The following KHDRBS2 variants were observed in gnomAD, a reference collection of about 807,000 sequenced individuals.
KHDRBS2 encodes KH domain-containing, RNA-binding, signal transduction-associated protein 2.
Under a neutral mutation model 44.3 loss-of-function variants are expected in KHDRBS2, and 26 were observed. The ratio of observed to expected loss-of-function variants is 0.59; its 90% CI spans 0.43 to 0.81. The LOEUF (loss-of-function observed/expected upper bound fraction) is 0.81, where lower values mean the gene tolerates loss of function less well. Ranked by LOEUF, KHDRBS2 falls within the 40% of genes least tolerant of loss-of-function variation. The pLI is 0.00. For missense variants in KHDRBS2, 476 were observed against 433.1 expected (o/e 1.10, Z -0.88); for synonymous variants, 194 against 151.1 (o/e 1.28, Z -2.08).
chr6:62,126,416 A>C (rs1332322793), intron 2 of KHDRBS2, among the ~76,000 whole-genome samples: 2 of 152,164 alleles, frequency 1.3e-5, no homozygotes, highest in African/African-American at 4.8e-5. Flanking sequence ...AGGGCTAGGG[A>C]AAGTACTTTG....
chr6:61,905,854 C>CTTTTTTTTTTTT (rs10676797), intron 4 of KHDRBS2, among the ~76,000 whole-genome samples: 6 of 114,176 alleles, frequency 5.3e-5, no homozygotes, highest in Non-Finnish European at 1.0e-4. Context: ...CAAAACTTTT[C>CTTTTTTTTTTTT]TTTTTTTTTT....
chr6:62,113,321 TCA>T (rs1805457569), intron 2 of KHDRBS2, among the ~76,000 whole-genome samples: 2 of 152,112 alleles, frequency 1.3e-5, no homozygotes, highest in Non-Finnish European at 1.5e-5. Flanking sequence ...AAAAACAGTG[TCA>T]CAGTATATTT....
chr6:61,549,233 A>T, the KHDRBS2 span, among the ~76,000 whole-genome samples: 1 of 152,184 alleles, frequency 6.6e-6, no homozygotes, highest in Non-Finnish European at 1.5e-5. Context: ...TAACAAATGG[A>T]TCAATCTAAA....
the KHDRBS2 span, among the ~76,000 whole-genome samples, chr6:61,619,827 G>A: frequency 6.6e-5 from 10 of 151,962 alleles, no homozygotes; most frequent in Non-Finnish European, 1.5e-4. Flanking sequence ...TCAGTTGATC[G>A]GTACTTAGAT....
At chr6:62,240,672 G>GTA (rs4036655) in intron 1 of KHDRBS2, among the ~76,000 whole-genome samples, 2,123 of 63,892 alleles carry the variant, frequency 0.033, 36 homozygotes, top group Non-Finnish European at 0.035. Context: ...ATGTGTGTGT[G>GTA]TATATATATA....
Position 61,769,257 on chromosome 6 carries a change from C to A in KHDRBS2, c.811-36493G>T, listed in dbSNP as rs144673931. On this transcript the variant is annotated intron_variant, in intron 6 of 8. Coordinates refer to ENST00000281156, the MANE Select transcript of KHDRBS2 (RefSeq NM_152688.4). The stretch of plus-strand genomic sequence containing the variant: ...GAGCAACACAGAACACGGGTGATTT[C>A]GGCATTTCCAACTGAGGTACCGGGT... Among the ~76,000 whole-genome samples the A allele has an allele frequency of 7.2e-5, 11 of 152,210 alleles. No individual in the cohort carries two copies. The East Asian group carries it at 2.1e-3, about 30-fold the overall frequency.
chr6:62,194,480 C>CTTTTTTTTTTTTTTTTTTTTTTT lies in KHDRBS2; in HGVS notation c.92-17191_92-17169dup, dbSNP rs70996208. The stretch of plus-strand genomic sequence containing the variant: ...CACTTTCTTTTCTTTTCTTTTCTTC[C>CTTTTTTTTTTTTTTTTTTTTTTT]TTTTTTTTTTTTTTTTTTTTTTTTT... On this transcript the variant is annotated intron_variant, in intron 1 of 8. Coordinates refer to ENST00000281156, the MANE Select transcript of KHDRBS2 (RefSeq NM_152688.4). 3.6e-4 allele frequency among the ~76,000 whole-genome samples: 25 copies of CTTTTTTTTTTTTTTTTTTTTTTT among 69,774 alleles called. 5 individuals carry two copies. The highest frequency in any genetic ancestry group is 6.2e-4 in the South Asian group (1 of 1,616). The allele number at this position is 69,774 out of a possible 152,430, so 45.8% of individuals were successfully genotyped here.
chr6:62,126,640 C>T (rs1809036522), intron 2 of KHDRBS2, among the ~76,000 whole-genome samples: 1 of 152,190 alleles, frequency 6.6e-6, no homozygotes, highest in Admixed American at 6.5e-5. Flanking sequence ...CACAGACAGA[C>T]TTCATTTGAT....
At chr6:62,059,834 A>C (rs1562751115) in intron 2 of KHDRBS2, among the ~76,000 whole-genome samples, 1 of 151,886 alleles carries the variant, frequency 6.6e-6, no homozygotes, top group Admixed American at 6.6e-5. Flanking sequence ...CAGAAGAAAA[A>C]ATAAGGAAGA....
chr6:62,154,518 T>C (rs1286337153), intron 2 of KHDRBS2, among the ~76,000 whole-genome samples: 1 of 152,158 alleles, frequency 6.6e-6, no homozygotes, highest in African/African-American at 2.4e-5. Context: ...AGGGTTCTGA[T>C]TTATAAGCCA....
At chr6:61,982,990 A>G (rs1279861561) in intron 3 of KHDRBS2, among the ~76,000 whole-genome samples, 1 of 151,736 alleles carries the variant, frequency 6.6e-6, no homozygotes, top group Non-Finnish European at 1.5e-5. Flanking sequence ...TCTTTGTCTA[A>G]TTCCTTCAGA....
At chr6:62,104,303 T>TAA (rs1562868142) in intron 2 of KHDRBS2, among the ~76,000 whole-genome samples, 5 of 152,070 alleles carry the variant, frequency 3.3e-5, no homozygotes, top group African/African-American at 9.7e-5. Context: ...CTTTTTTTTT[T>TAA]AATTATACTT....
intron 7 of KHDRBS2, among the ~76,000 whole-genome samples, chr6:61,710,812 T>A (rs1770378496): frequency 7.0e-6 from 1 of 142,954 alleles, no homozygotes; most frequent in Non-Finnish European, 1.5e-5. Flanking sequence ...TTTTTTTTTT[T>A]AATCTTGATC....
the KHDRBS2 span, among the ~76,000 whole-genome samples, chr6:61,608,438 T>C: frequency 6.6e-6 from 1 of 152,118 alleles, no homozygotes; most frequent in South Asian, 2.1e-4. Context: ...TTTTTCTTTT[T>C]TTCTTTTTTA....
intron 2 of KHDRBS2, among the ~76,000 whole-genome samples, chr6:62,079,968 G>C (rs1797083731): frequency 6.6e-6 from 1 of 151,910 alleles, no homozygotes; most frequent in Non-Finnish European, 1.5e-5. Context: ...TGAGTTTTCT[G>C]TGGCCAAAAC....
intron 6 of KHDRBS2, among the ~76,000 whole-genome samples, chr6:61,788,942 T>C (rs1202353980): frequency 3.3e-5 from 5 of 151,376 alleles, no homozygotes; most frequent in Non-Finnish European, 5.9e-5. Flanking sequence ...TACAATAGGC[T>C]GAAAGTGTTA....
At chr6:62,069,196 C>G (rs934591115) in intron 2 of KHDRBS2, among the ~76,000 whole-genome samples, 11 of 151,656 alleles carry the variant, frequency 7.3e-5, no homozygotes, top group South Asian at 2.1e-4. Context: ...GACTGGAAGC[C>G]TTACCAATAA....
At chr6:61,588,803 C>G in the KHDRBS2 span, among the ~76,000 whole-genome samples, 1 of 151,980 alleles carries the variant, frequency 6.6e-6, no homozygotes, top group African/African-American at 2.4e-5. Context: ...AAAAAAAAGA[C>G]TTGGAACCAA....
chr6:62,264,140 C>A (rs1198619888), intron 1 of KHDRBS2, among the ~76,000 whole-genome samples: 1 of 151,726 alleles, frequency 6.6e-6, no homozygotes, highest in Non-Finnish European at 1.5e-5. Context: ...AATATATATT[C>A]TTTATGAGCA....
Sources: gnomAD v4.1 joint callset for allele counts (sites outside exome capture counted in the v4.1 genomes callset) on GRCh38, gnomAD v4.1.1 for gene constraint, MANE v1.5 for transcripts, NCBI Gene and HGNC (gene_info 2026-07-23, HGNC 2026-07-21) for gene names.